The following LLGL1 variants were observed in gnomAD, a reference collection of about 807,000 sequenced individuals.
The protein encoded by LLGL1 is LLGL scribble cell polarity complex component 1.
A neutral mutation model predicts 110.6 loss-of-function variants in LLGL1; 58 were observed. The observed-to-expected ratio is 0.52, with a 90% CI of 0.42 to 0.65. The LOEUF (loss-of-function observed/expected upper bound fraction) is 0.65. Ranked by LOEUF, LLGL1 falls within the 30% of genes least tolerant of loss-of-function variation. LLGL1 has a pLI of 0.00. For missense variants in LLGL1, 1,229 were observed against 1,462.1 expected (o/e 0.84, Z 2.60); for synonymous variants, 674 against 607.2 (o/e 1.11, Z -1.62).
chr17:18,229,404 G>T (rs987098585), intron 1 of LLGL1, among the ~76,000 whole-genome samples: 4 of 152,120 alleles, frequency 2.6e-5, no homozygotes, highest in African/African-American at 9.7e-5. Context: ...GTGTCTGGGA[G>T]GAGTCAAAAG....
At position 18,242,156 on chromosome 17, in the gene LLGL1, A is replaced by G; in HGVS notation, c.2883-10A>G. The G allele has an allele frequency of 6.2e-7, 1 of 1,609,826 alleles. No individual in the cohort carries two copies. Among genetic ancestry groups the G allele is most frequent in the South Asian group, 1.1e-5 (1 of 91,004 alleles). On this transcript the variant is annotated splice_polypyrimidine_tract_variant and intron_variant, in intron 19 of 22. Transcript: ENST00000316843. ...CACCTATGGTCCCCATCATGGCCCC[A>G]TCTCTGCAGTTACAGGATCCGAGAG...
intron 7 of LLGL1, 91 bp downstream of exon 7, chr17:18,234,499 G>C: frequency 1.3e-6 from 2 of 1,582,898 alleles, no homozygotes; most frequent in Non-Finnish European, 1.7e-6. Flanking sequence ...ACTTCCCCGA[G>C]GGGGTGGTCT....
Position 18,242,727 on chromosome 17 carries a change from C to A in LLGL1, c.3117-16C>A. 1 of 1,565,164 alleles carries A rather than the reference C, an allele frequency of 6.4e-7. No homozygotes were observed. Among genetic ancestry groups the A allele is most frequent in the Non-Finnish European group, 8.7e-7 (1 of 1,154,074 alleles). The stretch of plus-strand genomic sequence containing the variant: ...CTCCCCCGCCCCCACCCCTGAGCAC[C>A]ATCCCCATCTCGCAGCTCCTCTGAG... On this transcript the variant is annotated splice_polypyrimidine_tract_variant and intron_variant, in intron 21 of 22. Transcript: ENST00000316843.
chr17:18,241,111 G>A, intron 17 of LLGL1: 1 of 586,332 alleles, frequency 1.7e-6, no homozygotes, highest in Non-Finnish European at 3.0e-6. Flanking sequence ...CTATCTCACT[G>A]TGCCACACAA....
chr17:18,242,265 C>T lies in LLGL1; in HGVS notation c.2982C>T (p.His994=), dbSNP rs138322162. 6.0e-4 allele frequency: 966 copies of T among 1,613,708 alleles called. 3 individuals carry two copies. Among genetic ancestry groups the T allele is most frequent in the Middle Eastern group, 3.5e-3 (21 of 6,080 alleles). Reference sequence around the variant, plus strand: ...TTGATGGAAGCCCTGATCCAGCCCACAGCATGGGACCTGGTGAGGGGGGCA... The same window carrying T: ...TTGATGGAAGCCCTGATCCAGCCCATAGCATGGGACCTGGTGAGGGGGGCA... ...QSLDGSPDPA[H]SMGPDTPEPP... is the part of the protein sequence containing the mutation. The change falls in exon 20 of 23, where the codon CAC becomes CAT. Residue 994 remains histidine (H), a synonymous_variant. Coordinates refer to ENST00000316843, the MANE Select transcript of LLGL1 (RefSeq NM_004140.4).
chr17:18,238,515 G>T lies in LLGL1; in HGVS notation c.2112G>T (p.Thr704=). The change falls in exon 16 of 23, where the codon ACG becomes ACT. Residue 704 remains threonine, a synonymous_variant. Transcript: ENST00000316843. ...EQACPHDVEM[T]PVQRRIEPRS... ...CCTGCCCCCACGACGTGGAGATGAC[G>T]CCCGTGCAGCGCCGCATTGAGCCCC... The T allele has an allele frequency of 1.9e-6, 3 of 1,612,614 alleles. No individual in the cohort carries two copies. Among genetic ancestry groups the T allele is most frequent in the African/African-American group, 2.7e-5 (2 of 75,050 alleles).
chr17:18,235,290 C>T lies in LLGL1; in HGVS notation c.1262C>T (p.Pro421Leu). The T allele has an allele frequency of 2.5e-6, 4 of 1,610,492 alleles. No individual in the cohort carries two copies. The highest frequency in any genetic ancestry group is 3.4e-6 in the Non-Finnish European group (4 of 1,179,974). Residue 421 changes from proline to leucine, a missense_variant, in exon 10 of 23, where the codon CCC becomes CTC. Coordinates refer to ENST00000316843, the MANE Select transcript of LLGL1 (RefSeq NM_004140.4). ...RIVSAGEQQS[P>L]QPVSSALSWP... ...GTGAGCGCTGGCGAGCAGCAGAGCCCCCAGCCTGTCTCCAGTGCCTTGGTG... is the reference window on the plus strand; with the variant it reads ...GTGAGCGCTGGCGAGCAGCAGAGCCTCCAGCCTGTCTCCAGTGCCTTGGTG...
chr17:18,234,518 T>A, intron 7 of LLGL1, 110 bp downstream of exon 7: 1 of 1,575,854 alleles, frequency 6.3e-7, no homozygotes, highest in Non-Finnish European at 8.7e-7. Context: ...CTGGGGGCAG[T>A]GTGTCTCCCG....
Position 18,235,192 on chromosome 17 carries a change from C to G in LLGL1, c.1164C>G (p.Ala388=). The G allele has an allele frequency of 6.2e-7, 1 of 1,612,448 alleles. No individual in the cohort carries two copies. Among genetic ancestry groups the G allele is most frequent in the Non-Finnish European group, 8.5e-7 (1 of 1,180,026 alleles). ...CAGCTGTGCCTGCCCCATACCTGGC[C>G]CCGCTGCACTCCTCTGCAATCACTT... ...GWPAVPAPYL[A]PLHSSAITCS... is the part of the protein sequence containing the mutation. Residue 388 remains alanine (A), a synonymous_variant, in exon 10 of 23, where the codon GCC becomes GCG. Coordinates refer to ENST00000316843, the MANE Select transcript of LLGL1 (RefSeq NM_004140.4).
chr17:18,242,228 C>T lies in LLGL1; in HGVS notation c.2945C>T (p.Ala982Val), dbSNP rs762080475. ...QANGTPSILL[A>V]PQSLDGSPDP... The stretch of plus-strand genomic sequence containing the variant: ...AACGGGACCCCAAGCATCCTGCTGG[C>T]CCCACAGAGCCTTGATGGAAGCCCT... Residue 982 changes from alanine to valine, a missense_variant, in exon 20 of 23, where the codon GCC becomes GTC. Transcript: ENST00000316843. The T allele has an allele frequency of 5.6e-6, 9 of 1,613,982 alleles. No individual in the cohort carries two copies. Among genetic ancestry groups the T allele is most frequent in the South Asian group, 2.2e-5 (2 of 91,088 alleles).
Position 18,235,308 on chromosome 17 carries a change from C to T in LLGL1, c.1280C>T (p.Ala427Val). ...EQQSPQPVSS[A>V]LSWPITGGRN... is the part of the protein sequence containing the mutation. Reference sequence around the variant, plus strand: ...CAGAGCCCCCAGCCTGTCTCCAGTGCCTTGGTGTGTGCGGCGATCAGGGGG... The same window carrying T: ...CAGAGCCCCCAGCCTGTCTCCAGTGTCTTGGTGTGTGCGGCGATCAGGGGG... The change falls in exon 10 of 23, where the codon GCC (alanine) becomes GTC (valine). Residue 427 changes from alanine (A) to valine (V), a missense_variant. Ala to Val is a moderately conservative substitution (Grantham distance 64, BLOSUM62 0). Coordinates refer to ENST00000316843, the MANE Select transcript of LLGL1 (RefSeq NM_004140.4). 1.2e-6 allele frequency: 2 copies of T among 1,610,336 alleles called. No individual in the cohort carries two copies. Among genetic ancestry groups the T allele is most frequent in the African/African-American group, 1.3e-5 (1 of 75,054 alleles).
chr17:18,241,570 T>C lies in LLGL1; in HGVS notation c.2622T>C (p.Ala874=), dbSNP rs1162741831. 1 of 1,613,786 alleles carries C rather than the reference T, an allele frequency of 6.2e-7. No homozygotes were observed. The highest frequency in any genetic ancestry group is 8.5e-7 in the Non-Finnish European group (1 of 1,180,032). ...TFASVACEDY[A]ETCLACLTNL... Reference sequence around the variant, plus strand: ...CCAGTGTGGCCTGCGAGGACTATGCTGAGACCTGCCTGGCCTGCCTCACCA... The same window carrying C: ...CCAGTGTGGCCTGCGAGGACTATGCCGAGACCTGCCTGGCCTGCCTCACCA... The change falls in exon 18 of 23, where the codon GCT becomes GCC. Residue 874 remains alanine, a synonymous_variant. Coordinates refer to ENST00000316843, the MANE Select transcript of LLGL1 (RefSeq NM_004140.4).
intron 8 of LLGL1, 22 bp from the exon 9 acceptor site, chr17:18,234,817 G>T (rs760083336): frequency 6.2e-7 from 1 of 1,612,832 alleles, no homozygotes; most frequent in South Asian, 1.1e-5. Flanking sequence ...TTCATGGCTC[G>T]CACACCTCCC....
chr17:18,235,399 C>T (rs1367238340), intron 10 of LLGL1, 71 bp from the exon 11 acceptor site: 1 of 1,604,636 alleles, frequency 6.2e-7, no homozygotes, highest in Non-Finnish European at 8.5e-7. Flanking sequence ...TCAGAATGTG[C>T]CATACTCGGG....
chr17:18,241,754 G>A (rs370853026), intron 18 of LLGL1, 39 bp downstream of exon 18: 14 of 1,608,076 alleles, frequency 8.7e-6, no homozygotes, highest in East Asian at 2.2e-5. Flanking sequence ...TTCCTCAGGC[G>A]AGCGAACTGA....
rs549663123 is a variant in LLGL1 at position 18,235,328 on chromosome 17, A to AG, written c.1284+22dup. 78 of 1,609,374 alleles carry AG rather than the reference A, an allele frequency of 4.8e-5. No homozygotes were observed. In the African/African-American group the frequency reaches 6.5e-4, roughly 13 times the overall value. ...CAGTGCCTTGGTGTGTGCGGCGATC[A>AG]GGGGGGTCTTACAGGGTGGAGTCTT... is the stretch of plus-strand genomic sequence containing the variant. On this transcript the variant is annotated intron_variant, in intron 10 of 22. Transcript: ENST00000316843.
At position 18,242,006 on chromosome 17, in the gene LLGL1, G is replaced by A; in HGVS notation, c.2882+7G>A. On this transcript the variant is annotated splice_region_variant and intron_variant, in intron 19 of 22. Coordinates refer to ENST00000316843, the MANE Select transcript of LLGL1 (RefSeq NM_004140.4). ...GCGATGCCACCCAGGCCAGGTGTGT[G>A]GAGGGGCAGCTCCTAGCCTGGGGGA... is the stretch of plus-strand genomic sequence containing the variant. The A allele has an allele frequency of 6.2e-7, 1 of 1,608,924 alleles. No individual in the cohort carries two copies. Among genetic ancestry groups the A allele is most frequent in the Non-Finnish European group, 8.5e-7 (1 of 1,175,324 alleles).
chr17:18,238,776 C>T (rs377722816), intron 16 of LLGL1, among the ~76,000 whole-genome samples, 167 bp downstream of exon 16: 9 of 151,988 alleles, frequency 5.9e-5, no homozygotes, highest in Non-Finnish European at 7.4e-5. Context: ...TTTGGGAGGC[C>T]GAGGTGGGCG....
At chr17:18,234,591 A>G in intron 7 of LLGL1, 58 bp from the exon 8 acceptor site, 8 of 1,606,832 alleles carry the variant, frequency 5.0e-6, no homozygotes, top group Non-Finnish European at 6.8e-6. Context: ...CAGAGCAGGA[A>G]TGGCAGAATT....
Sources: gnomAD v4.1 joint callset for allele counts (sites outside exome capture counted in the v4.1 genomes callset) on GRCh38, gnomAD v4.1.1 for gene constraint, MANE v1.5 for transcripts, NCBI Gene and HGNC (gene_info 2026-07-23, HGNC 2026-07-21) for gene names.